AQR: variants seen among roughly 807,000 people sequenced by gnomAD.
AQR encodes aquarius intron-binding spliceosomal factor.
Under a neutral mutation model 180.5 loss-of-function variants are expected in AQR, and 61 were observed. That is an observed-to-expected ratio of 0.34 (90% CI 0.28 to 0.42). The LOEUF (loss-of-function observed/expected upper bound fraction) is 0.42. Among genes scored for constraint, AQR ranks in the 10% least tolerant of loss-of-function variants. AQR has a pLI of 1.00. For missense variants in AQR, 1,281 were observed against 1,798.3 expected (o/e 0.71, Z 5.20); for synonymous variants, 551 against 588.8 (o/e 0.94, Z 0.93).
At chr15:34,886,288 TA>T (rs993600607) in intron 25 of AQR, among the ~76,000 whole-genome samples, 2 of 152,094 alleles carry the variant, frequency 1.3e-5, no homozygotes, top group African/African-American at 4.8e-5. Context: ...GAAAAAAATG[TA>T]AAAAGTAGCA....
chr15:34,964,774 T>C (rs1049115201), intron 1 of AQR, among the ~76,000 whole-genome samples: 22 of 133,132 alleles, frequency 1.7e-4, no homozygotes, highest in Middle Eastern at 3.9e-3. Context: ...AAAAAAAAAA[T>C]TGTAGTCTAT....
rs1326844080 is a variant in AQR at position 34,867,514 on chromosome 15, T to C, written c.3854+10A>G. 6.2e-7 allele frequency: 1 copy of C among 1,608,422 alleles called. No homozygotes were observed. On this transcript the variant is annotated intron_variant, in intron 32 of 34. Coordinates refer to ENST00000156471, the MANE Select transcript of AQR (RefSeq NM_014691.3). ...TTCAATAAATATTATGAAAGTTTTT[T>C]CCTACGTACCTCAGATGGCCCACTG... is the stretch of plus-strand genomic sequence containing the variant.
At chr15:34,905,947 T>C (rs1893407108) in intron 18 of AQR, among the ~76,000 whole-genome samples, 1 of 151,872 alleles carries the variant, frequency 6.6e-6, no homozygotes, top group South Asian at 2.1e-4. Flanking sequence ...TGAGGCAGAA[T>C]TGCTTGAACT....
At chr15:34,964,344 T>A (rs1216297696) in intron 1 of AQR, 54 bp from the exon 2 acceptor site, 4 of 1,387,932 alleles carry the variant, frequency 2.9e-6, no homozygotes, top group South Asian at 2.4e-5. Flanking sequence ...ATTGTAGAGC[T>A]GGAAGACAGA....
At position 34,969,655 on chromosome 15, in the gene AQR, G is replaced by A. The variant is rs577543924; in HGVS notation, c.-42C>T. On this transcript the variant is annotated 5_prime_UTR_variant, in exon 1 of 35. Transcript: ENST00000156471. The stretch of plus-strand genomic sequence containing the variant: ...CCACTCCAGTGGAAACTAAAGGACC[G>A]CTCTGGGCAGCGGCAACCCTGGTCC... 11 of 1,595,564 alleles carry A rather than the reference G, an allele frequency of 6.9e-6. No homozygotes were observed. In the East Asian group the frequency reaches 1.6e-4, roughly 23 times the overall value.
intron 32 of AQR, 67 bp from the exon 33 acceptor site, chr15:34,863,108 T>C: frequency 6.9e-7 from 1 of 1,439,364 alleles, no homozygotes; most frequent in Non-Finnish European, 9.3e-7. Flanking sequence ...CTTTTTTTTT[T>C]TTCACAGATT....
At chr15:34,919,607 C>T (rs1893652711) in intron 14 of AQR, among the ~76,000 whole-genome samples, 1 of 151,990 alleles carries the variant, frequency 6.6e-6, no homozygotes, top group African/African-American at 2.4e-5. Context: ...AGAAGAATTC[C>T]TGAAAACAGG....
intron 3 of AQR, among the ~76,000 whole-genome samples, chr15:34,959,678 T>C (rs867040436): frequency 2.0e-5 from 3 of 152,236 alleles, no homozygotes; most frequent in African/African-American, 7.2e-5. Context: ...TCATCTTTGA[T>C]TCTTCCTTTT....
chr15:34,892,017 G>A (rs1254958459), intron 23 of AQR, among the ~76,000 whole-genome samples: 2 of 152,118 alleles, frequency 1.3e-5, no homozygotes, highest in Non-Finnish European at 2.9e-5. Flanking sequence ...CAGAGTAACT[G>A]ATATTTGGCA....
In AQR at chr15:34,928,119, G is replaced by A. The variant is rs186825890; in HGVS notation, c.1015-981C>T. 2.3e-4 allele frequency among the ~76,000 whole-genome samples: 35 copies of A among 151,442 alleles called. 1 individual carries two copies. Among genetic ancestry groups the A allele is most frequent in the African/African-American group, 7.1e-4 (29 of 40,816 alleles). ...GAAAAAAGCAGGAAAAGACATCTGC[G>A]TTAATCCTTCTTCCAAAACAATAAG... On this transcript the variant is annotated intron_variant, in intron 12 of 34. Transcript: ENST00000156471.
At chr15:34,861,781 C>T (rs963188376) in intron 33 of AQR, among the ~76,000 whole-genome samples, 2 of 152,182 alleles carry the variant, frequency 1.3e-5, no homozygotes, top group African/African-American at 4.8e-5. Context: ...TATTTCTCCA[C>T]AGCAGCATTT....
At chr15:34,907,969 A>T (rs1893444160) in intron 17 of AQR, among the ~76,000 whole-genome samples, 1 of 152,072 alleles carries the variant, frequency 6.6e-6, no homozygotes, top group South Asian at 2.1e-4. Context: ...CCTTGCAACC[A>T]TTTGTATCCA....
Position 34,942,411 on chromosome 15 carries a change from G to C in AQR, c.472-331C>G, listed in dbSNP as rs1229333606. On this transcript the variant is annotated intron_variant, in intron 6 of 34. Coordinates refer to ENST00000156471, the MANE Select transcript of AQR (RefSeq NM_014691.3). ...CATTCTCAGGTGAGACTGAGCTGAT[G>C]CTCTGCTTCATTCTCAGCTCTCATA... is the stretch of plus-strand genomic sequence containing the variant. Among the ~76,000 whole-genome samples the C allele has an allele frequency of 2.0e-5, 3 of 152,216 alleles. No homozygotes were observed. The East Asian group carries it at 5.8e-4, about 29-fold the overall frequency.
chr15:34,915,230 G>C (rs371998660), intron 15 of AQR, 51 bp from the exon 16 acceptor site: 12 of 1,415,628 alleles, frequency 8.5e-6, no homozygotes, highest in Non-Finnish European at 1.1e-5. Context: ...TTTTTGAGAC[G>C]GAGTCTCACT....
intron 19 of AQR, among the ~76,000 whole-genome samples, chr15:34,901,101 G>T (rs1893325804): frequency 6.6e-6 from 1 of 152,194 alleles, no homozygotes; most frequent in African/African-American, 2.4e-5. Context: ...TATCCGTTAA[G>T]AGTTCGCTTA....
At chr15:34,898,384 C>T (rs1442450454) in intron 20 of AQR, among the ~76,000 whole-genome samples, 1 of 152,160 alleles carries the variant, frequency 6.6e-6, no homozygotes, top group Non-Finnish European at 1.5e-5. Context: ...ATAGATAACA[C>T]CAAAGAATGC....
At chr15:34,959,849 T>C (rs1320379956) in intron 3 of AQR, among the ~76,000 whole-genome samples, 2 of 152,148 alleles carry the variant, frequency 1.3e-5, no homozygotes, top group Non-Finnish European at 2.9e-5. Flanking sequence ...TCCCTCCAAA[T>C]CCAAATTCTT....
chr15:34,887,886 G>A (rs1202575991), intron 24 of AQR, among the ~76,000 whole-genome samples: 1 of 152,090 alleles, frequency 6.6e-6, no homozygotes, highest in African/African-American at 2.4e-5. Context: ...ACTTTTTTCT[G>A]CTTGCTTATC....
At chr15:34,946,705 TG>T (rs1394068359) in intron 5 of AQR, among the ~76,000 whole-genome samples, 1 of 67,636 alleles carries the variant, frequency 1.5e-5, no homozygotes, top group African/African-American at 6.0e-5. Context: ...GGGAGGGAGG[TG>T]GGGGGGTCAG....
Sources: gnomAD v4.1 joint callset for allele counts (sites outside exome capture counted in the v4.1 genomes callset) on GRCh38, gnomAD v4.1.1 for gene constraint, MANE v1.5 for transcripts, NCBI Gene and HGNC (gene_info 2026-07-23, HGNC 2026-07-21) for gene names.